Variants in PRUNE2 observed in about 807,000 individuals in gnomAD.
PRUNE2 encodes the protein prune homolog 2 with BCH domain.
A neutral mutation model predicts 252.0 loss-of-function variants in PRUNE2; 164 were observed. That is an observed-to-expected ratio of 0.65 (90% confidence interval 0.57 to 0.74). PRUNE2 has a LOEUF of 0.74. PRUNE2 is among the 30% of genes least tolerant of loss of function. The probability of loss-of-function intolerance (pLI) is 0.00; values close to 1 mark genes in which losing one functional copy is unlikely to be tolerated. For missense variants in PRUNE2, 3,495 were observed against 3,711.0 expected, an observed-to-expected ratio of 0.94 and a Z score of 1.51; for synonymous variants, 1,292 against 1,350.2, an observed-to-expected ratio of 0.96 and a Z score of 0.94.
At chr9:76,642,032 A>C (rs1842854642) in intron 12 of PRUNE2, 22 of 1,206,892 alleles carry the variant, frequency 1.8e-5, no homozygotes. Context: ...AGAAAAAGAA[A>C]AGAAACTCCT....
At chr9:76,716,419 A>C (rs1298200836) in intron 6 of PRUNE2, among the ~76,000 whole-genome samples, 1 of 152,194 alleles carries the variant, frequency 6.6e-6, no homozygotes, top group African/African-American at 2.4e-5. Flanking sequence ...ACTACTCCAG[A>C]GAGGGATTTA....
intron 9 of PRUNE2, among the ~76,000 whole-genome samples, chr9:76,657,184 T>C (rs1465213452): frequency 3.3e-5 from 5 of 152,222 alleles, no homozygotes; most frequent in Non-Finnish European, 1.5e-5. Context: ...ACATCAAACT[T>C]CTCGTACCTG....
intron 9 of PRUNE2, among the ~76,000 whole-genome samples, chr9:76,664,614 G>A (rs1375368544): frequency 6.6e-6 from 1 of 152,148 alleles, no homozygotes. Context: ...TCCATCTCCT[G>A]CGTTCAAGTG....
intron 2 of PRUNE2, among the ~76,000 whole-genome samples, chr9:76,853,252 C>G (rs73462352): frequency 0.017 from 2,583 of 152,264 alleles, 64 homozygotes; most frequent in African/African-American, 0.06. Flanking sequence ...GGAAGACTAG[C>G]ATTCGTGTGA....
chr9:76,870,019 A>C (rs1337137719), intron 1 of PRUNE2, among the ~76,000 whole-genome samples: 1 of 152,204 alleles, frequency 6.6e-6, no homozygotes, highest in Non-Finnish European at 1.5e-5. Context: ...GATGTTCTAA[A>C]TAAGTCAGCC....
At chr9:76,660,550 G>A (rs1015216124) in intron 9 of PRUNE2, among the ~76,000 whole-genome samples, 4 of 152,084 alleles carry the variant, frequency 2.6e-5, no homozygotes, top group East Asian at 1.9e-4. Flanking sequence ...TTGGGAGGCC[G>A]AGGCAGGTGG....
chr9:76,866,300 T>C (rs1341741762), intron 1 of PRUNE2, among the ~76,000 whole-genome samples: 3 of 152,250 alleles, frequency 2.0e-5, no homozygotes, highest in Non-Finnish European at 4.4e-5. Context: ...GTTTAAATGA[T>C]TTCAAGACAA....
chr9:76,724,219 G>A (rs2047898029), intron 6 of PRUNE2, among the ~76,000 whole-genome samples: 1 of 149,142 alleles, frequency 6.7e-6, no homozygotes, highest in Non-Finnish European at 1.5e-5. Context: ...AGCACTTTGG[G>A]AGGCTGAGGC....
chr9:76,812,117 G>C (rs1360008985), intron 6 of PRUNE2, among the ~76,000 whole-genome samples: 5 of 152,164 alleles, frequency 3.3e-5, no homozygotes, highest in Non-Finnish European at 5.9e-5. Context: ...GGAGGAAAAT[G>C]ATAATCCAGG....
At position 76,637,425 on chromosome 9, in the gene PRUNE2, C is replaced by T. The variant is rs749072077; in HGVS notation, c.8956G>A (p.Asp2986Asn). ...ATAATAGAGCCCACATACCGTCTGTCAATCATCTGGTAGCATTTCTTCATC... is the reference window on the plus strand; with the variant it reads ...ATAATAGAGCCCACATACCGTCTGTTAATCATCTGGTAGCATTTCTTCATC... The part of the protein sequence containing the change: ...GWMKKCYQMI[D>N]RRLRKNLKSF... The change falls in exon 14 of 19, where the codon GAC becomes AAC. Residue 2986 changes from aspartate (D) to asparagine (N), a missense_variant. By Grantham distance (23) the Asp-to-Asn change is conservative. Coordinates refer to ENST00000376718, the MANE Select transcript of PRUNE2 (RefSeq NM_015225.3). 7.7e-5 allele frequency: 124 copies of T among 1,613,590 alleles called. 1 individual carries two copies. In the East Asian group the frequency reaches 2.4e-3, roughly 32 times the overall value.
rs942505289 is a variant in PRUNE2 at position 76,705,437 on chromosome 9, G to A, written c.6837C>T (p.Ala2279=). ...AGGCTAGCAAAGCATCAGGAACCAA[G>A]GCAGGATTCTCTGTGGATAAATGTG... The part of the protein sequence containing the change: ...GDPHLSTENP[A]LVPDALLASD... The change falls in exon 8 of 19, where the codon GCC becomes GCT. Residue 2279 remains alanine (A), a synonymous_variant. Transcript: ENST00000376718. 6.2e-7 allele frequency: 1 copy of A among 1,613,926 alleles called. No homozygotes were observed. Among genetic ancestry groups the A allele is most frequent in the South Asian group, 1.1e-5 (1 of 91,072 alleles).
At chr9:76,801,495 G>T (rs763040149) in intron 6 of PRUNE2, among the ~76,000 whole-genome samples, 2 of 150,942 alleles carry the variant, frequency 1.3e-5, no homozygotes, top group Non-Finnish European at 3.0e-5. Flanking sequence ...CCTTTTTTTT[G>T]AAATGAGCAA....
At chr9:76,663,635 T>G (rs1284823787) in intron 9 of PRUNE2, among the ~76,000 whole-genome samples, 1 of 152,174 alleles carries the variant, frequency 6.6e-6, no homozygotes, top group Non-Finnish European at 1.5e-5. Flanking sequence ...CTTTTTACAG[T>G]GAGGCTTAAA....
chr9:76,695,364 A>G (rs1195676504), intron 9 of PRUNE2, among the ~76,000 whole-genome samples: 1 of 152,204 alleles, frequency 6.6e-6, no homozygotes, highest in Non-Finnish European at 1.5e-5. Context: ...AGGTGAAGAG[A>G]TTATAATACC....
chr9:76,812,228 C>A (rs2057402353), intron 6 of PRUNE2, among the ~76,000 whole-genome samples: 1 of 152,180 alleles, frequency 6.6e-6, no homozygotes, highest in Non-Finnish European at 1.5e-5. Context: ...AAGTCCCCAG[C>A]ATGCATGATG....
chr9:76,689,994 G>T (rs1052478769), intron 9 of PRUNE2, among the ~76,000 whole-genome samples: 1 of 152,116 alleles, frequency 6.6e-6, no homozygotes, highest in Admixed American at 6.5e-5. Context: ...CTCAAATGAA[G>T]GGCATCTACT....
At chr9:76,670,791 C>T (rs1248854690) in intron 9 of PRUNE2, among the ~76,000 whole-genome samples, 2 of 151,788 alleles carry the variant, frequency 1.3e-5, no homozygotes, top group African/African-American at 4.8e-5. Context: ...AGCAGGGGCA[C>T]ACTGACACCT....
At chr9:76,648,578 A>G (rs1198749236) in intron 11 of PRUNE2, among the ~76,000 whole-genome samples, 1 of 152,244 alleles carries the variant, frequency 6.6e-6, no homozygotes, top group African/African-American at 2.4e-5. Flanking sequence ...TGCATATTGT[A>G]TGAGTCCAAC....
At chr9:76,661,214 C>T (rs982139670) in intron 9 of PRUNE2, among the ~76,000 whole-genome samples, 1 of 152,044 alleles carries the variant, frequency 6.6e-6, no homozygotes, top group African/African-American at 2.4e-5. Context: ...CAGAGAAATA[C>T]TAAACACAAG....
Sources: gnomAD v4.1 joint callset for allele counts (sites outside exome capture counted in the v4.1 genomes callset) on GRCh38, gnomAD v4.1.1 for gene constraint, MANE v1.5 for transcripts, NCBI Gene and HGNC (gene_info 2026-07-23, HGNC 2026-07-21) for gene names.